The following ZNF692 variants were observed in gnomAD, a reference collection of about 807,000 sequenced individuals.
The protein encoded by ZNF692 is zinc finger protein 692, also known as AICAR responsive element binding protein.
A neutral mutation model predicts 49.0 loss-of-function variants in ZNF692; 41 were observed. The ratio of observed to expected loss-of-function variants is 0.84; its 90% confidence interval spans 0.65 to 1.08. The LOEUF (loss-of-function observed/expected upper bound fraction) is 1.08. Ranked by LOEUF, ZNF692 falls within the 50% of genes least tolerant of loss-of-function variation. ZNF692 has a pLI of 0.00. For synonymous variants in ZNF692, 288 were observed against 251.5 expected, an observed-to-expected ratio of 1.15 and a Z score of -1.37; for missense variants, 662 against 662.2, an observed-to-expected ratio of 1.00 and a Z score of 0.00.
chr1:248,853,536 T>G (rs542168063), intron 10 of ZNF692, among the ~76,000 whole-genome samples: 3 of 152,352 alleles, frequency 2.0e-5, no homozygotes, highest in Admixed American at 6.5e-5. Context: ...GTCCATAGTC[T>G]GTAAGGTACA....
chr1:248,853,522 C>T (rs923412337), intron 10 of ZNF692, among the ~76,000 whole-genome samples: 78 of 152,314 alleles, frequency 5.1e-4, no homozygotes, highest in African/African-American at 1.7e-3. Context: ...CTTCCACACG[C>T]GCTGTCCATA....
At chr1:248,857,520 C>T in intron 3 of ZNF692, 23 bp from the exon 4 acceptor site, 1 of 1,601,408 alleles carries the variant, frequency 6.2e-7, no homozygotes, top group Admixed American at 1.7e-5. Flanking sequence ...GGGAAGCAGT[C>T]AGGCTGAACT....
rs1169844472 is a variant in ZNF692 at position 248,857,370 on chromosome 1, C to A, written c.339G>T (p.Glu113Asp). The change falls in exon 4 of 12, where the codon GAG (glutamate) becomes GAT (aspartate). Residue 113 changes from glutamate to aspartate, a missense_variant. Coordinates refer to ENST00000306601, the MANE Select transcript of ZNF692 (RefSeq NM_017865.4). ...AGGAGAAGGTATGGCCTGCTGAGCA[C>A]TCCCACACAAGCCCCCCATCTTGGC... ...PGGQDGGLVW[E>D]CSAGHTFSWG... The A allele has an allele frequency of 6.2e-7, 1 of 1,614,166 alleles. No homozygotes were observed. Among genetic ancestry groups the A allele is most frequent in the Admixed American group, 1.7e-5 (1 of 60,022 alleles).
chr1:248,850,555 A>C, intron 11 of ZNF692, 39 bp from the exon 12 acceptor site: 1 of 1,591,084 alleles, frequency 6.3e-7, no homozygotes, highest in Non-Finnish European at 8.6e-7. Flanking sequence ...ACAAGGCCTC[A>C]GGCCATCATG....
chr1:248,855,414 C>T lies in ZNF692; in HGVS notation c.1004G>A (p.Cys335Tyr). Reference sequence around the variant, plus strand: ...CTGCCGGTTGGAGAAGATCCTTCCACAGCCAGGGAAGTCACAAGGCATCAG... The same window carrying T: ...CTGCCGGTTGGAGAAGATCCTTCCATAGCCAGGGAAGTCACAAGGCATCAG... ...RELMPCDFPG[C>Y]GRIFSNRQYL... is the part of the protein sequence containing the mutation. Residue 335 changes from cysteine to tyrosine, a missense_variant, in exon 9 of 12, where the codon TGT becomes TAT. By Grantham distance (194) the Cys-to-Tyr change is radical. Coordinates refer to ENST00000306601, the MANE Select transcript of ZNF692 (RefSeq NM_017865.4). 2 of 1,614,196 alleles carry T rather than the reference C, an allele frequency of 1.2e-6. No homozygotes were observed. The highest frequency in any genetic ancestry group is 1.7e-4 in the Middle Eastern group (1 of 6,060).
chr1:248,855,652 G>A lies in ZNF692; in HGVS notation c.882-17C>T, dbSNP rs780164764. 1.9e-6 allele frequency: 3 copies of A among 1,614,214 alleles called. No homozygotes were observed. The highest frequency in any genetic ancestry group is 1.6e-4 in the Middle Eastern group (1 of 6,062). On this transcript the variant is annotated splice_polypyrimidine_tract_variant and intron_variant, in intron 7 of 11. Coordinates refer to ENST00000306601, the MANE Select transcript of ZNF692 (RefSeq NM_017865.4). ...CTCCCAGTGCTACGGGCAGCAAAGA[G>A]GGAGCAGAGGGCCTCGAGGGAGGGC...
chr1:248,855,357 A>G, intron 9 of ZNF692, 23 bp downstream of exon 9: 1 of 1,613,068 alleles, frequency 6.2e-7, no homozygotes, highest in Non-Finnish European at 8.5e-7. Flanking sequence ...GCAGCCACAC[A>G]GGCCCCAACC....
intron 3 of ZNF692, 39 bp from the exon 4 acceptor site, chr1:248,857,536 G>A (rs938053191): frequency 6.3e-7 from 1 of 1,587,498 alleles, no homozygotes; most frequent in Non-Finnish European, 8.6e-7. Context: ...GAACTGGGAA[G>A]TCTCCTCCTC....
intron 4 of ZNF692, among the ~76,000 whole-genome samples, chr1:248,856,860 A>G (rs985344189): frequency 1.3e-5 from 2 of 152,128 alleles, no homozygotes; most frequent in African/African-American, 4.8e-5. Context: ...TTCAGAGATG[A>G]TATTCACATA....
chr1:248,855,968 A>C, intron 6 of ZNF692, 22 bp from the exon 7 acceptor site: 1 of 1,609,654 alleles, frequency 6.2e-7, no homozygotes, highest in Non-Finnish European at 8.5e-7. Flanking sequence ...ACAAAGAGGA[A>C]GATGGCATTA....
At chr1:248,857,093 AGT>A (rs1200651044) in intron 4 of ZNF692, 139 bp downstream of exon 4, 7 of 877,894 alleles carry the variant, frequency 8.0e-6, no homozygotes, top group Non-Finnish European at 1.2e-5. Flanking sequence ...CATGCCCAAC[AGT>A]GTATTTGATG....
rs1323157387 is a variant in ZNF692 at position 248,856,352 on chromosome 1, CATT to C, written c.592_594del (p.Asn198del). ...CTGAGCATCTCCTCTTCATCCTCAT[CATT>C]GTCCTCTTCTTCCTCACCCTCTTCC... On this transcript the variant is annotated inframe_deletion, in exon 6 of 12. Transcript: ENST00000306601. 1.2e-6 allele frequency: 2 copies of C among 1,612,030 alleles called. No homozygotes were observed. Among genetic ancestry groups the C allele is most frequent in the East Asian group, 2.2e-5 (1 of 44,886 alleles).
In ZNF692 at chr1:248,858,265, C is replaced by T; in HGVS notation, c.45G>A (p.Glu15=). The change falls in exon 2 of 12, where the codon GAG becomes GAA. Residue 15 remains glutamate, a synonymous_variant. Coordinates refer to ENST00000306601, the MANE Select transcript of ZNF692 (RefSeq NM_017865.4). The surrounding 1 kb of genome is among the most constrained non-coding windows in gnomAD (Gnocchi z 4.3). ...PAVDVSCRRR[E]KRRQLDARRS... ...GGCGCGCGTCCAGCTGCCGCCGCTT[C>T]TCCCGCCGCCTGCAGGACACGTCCA... The T allele has an allele frequency of 6.3e-7, 1 of 1,581,972 alleles. No individual in the cohort carries two copies.
chr1:248,850,108 C>G lies in ZNF692; in HGVS notation c.*102G>C. ...CACCCTGCACTCTGTCGCCTTAGTT[C>G]CTGGGGACCAAGCATCTGGCATTTC... On this transcript the variant is annotated 3_prime_UTR_variant, in exon 12 of 12. Coordinates refer to ENST00000306601, the MANE Select transcript of ZNF692 (RefSeq NM_017865.4). The G allele has an allele frequency of 7.3e-7, 1 of 1,370,882 alleles. No homozygotes were observed. Among genetic ancestry groups the G allele is most frequent in the African/African-American group, 1.5e-5 (1 of 68,778 alleles). The allele number at this position is 1,370,882 out of a possible 1,614,324, so 84.9% of individuals were successfully genotyped here. A position where few individuals can be genotyped will look rare whatever the true frequency, so the allele number is the denominator to read the frequency against.
chr1:248,852,226 ACCT>A (rs1659682591), intron 10 of ZNF692, among the ~76,000 whole-genome samples: 1 of 151,478 alleles, frequency 6.6e-6, no homozygotes, highest in Non-Finnish European at 1.5e-5. Flanking sequence ...ATTTCACACC[ACCT>A]CCTTTCTCCA....
Position 248,857,250 on chromosome 1 carries a change from A to T in ZNF692, c.459T>A (p.Ser153Arg). The T allele has an allele frequency of 6.3e-7, 1 of 1,596,508 alleles. No homozygotes were observed. Among genetic ancestry groups the T allele is most frequent in the Non-Finnish European group, 8.5e-7 (1 of 1,169,992 alleles). ...CCAGCCTACCTGCAAGCTCCTGCCC[A>T]CTCGTGGCCTCGGAACACCAACTTC... ...TRRSWCSEAT[S>R]GQELADLESE... Residue 153 changes from serine (S) to arginine (R), a missense_variant, in exon 4 of 12, where the codon AGT (serine) becomes AGA (arginine). Physicochemically the swap from Ser to Arg is moderately radical, Grantham distance 110. Coordinates refer to ENST00000306601, the MANE Select transcript of ZNF692 (RefSeq NM_017865.4).
At chr1:248,851,302 G>A (rs1247283959) in intron 10 of ZNF692, among the ~76,000 whole-genome samples, 1 of 152,018 alleles carries the variant, frequency 6.6e-6, no homozygotes, top group South Asian at 2.1e-4. Flanking sequence ...GTGCCCTGTG[G>A]AGCTACCTGT....
At position 248,855,954 on chromosome 1, in the gene ZNF692, G is replaced by C. The variant is rs1660184116; in HGVS notation, c.660-8C>G. The C allele has an allele frequency of 6.2e-6, 10 of 1,612,732 alleles. No homozygotes were observed. The highest frequency in any genetic ancestry group is 8.5e-6 in the Non-Finnish European group (10 of 1,179,468). ...GGGGCATCAGGCTCACTACTGAAAG[G>C]AGAACAAAGAGGAAGATGGCATTAA... On this transcript the variant is annotated splice_polypyrimidine_tract_variant and splice_region_variant and intron_variant, in intron 6 of 11. Transcript: ENST00000306601.
rs769050279 is a variant in ZNF692, at chr1:248,857,875, G to A, written c.180-16C>T. 28 of 1,613,606 alleles carry A rather than the reference G, an allele frequency of 1.7e-5. No individual in the cohort carries two copies. The highest frequency in any genetic ancestry group is 2.2e-5 in the Non-Finnish European group (26 of 1,179,762). ...AGAAGTGTACCTGCCAGCAGGAGAA[G>A]AGGCAGGTCAGGACTCAGGTGGCCA... On this transcript the variant is annotated splice_polypyrimidine_tract_variant and intron_variant, in intron 2 of 11. Transcript: ENST00000306601.
Sources: gnomAD v4.1 joint callset for allele counts (sites outside exome capture counted in the v4.1 genomes callset) on GRCh38, gnomAD v4.1.1 for gene constraint, Gnocchi (gnomAD v3.1) non-coding constraint, MANE v1.5 for transcripts, NCBI Gene and HGNC (gene_info 2026-07-23, HGNC 2026-07-21) for gene names.